Variants in VILL observed in about 807,000 individuals in gnomAD.
VILL encodes villin like.
In VILL, 102 loss-of-function variants were observed where a neutral mutation model predicts 106.3. The ratio of observed to expected loss-of-function variants is 0.96; its 90% CI spans 0.82 to 1.13. VILL has a LOEUF of 1.13. Ranked by LOEUF, VILL falls within the 50% of genes most tolerant of loss-of-function variation. The pLI, the probability that VILL is intolerant of heterozygous loss-of-function variation, is 0.00. For synonymous variants in VILL, 431 were observed against 440.3 expected, an observed-to-expected ratio of 0.98 and a Z score of 0.27; for missense variants, 1,076 against 1,116.6, an observed-to-expected ratio of 0.96 and a Z score of 0.52.
Position 38,001,456 on chromosome 3 carries a change from G to A in VILL, c.1183G>A (p.Val395Met). 6.2e-7 allele frequency: 1 copy of A among 1,614,022 alleles called. No homozygotes were observed. Among genetic ancestry groups the A allele is most frequent in the Non-Finnish European group, 8.5e-7 (1 of 1,179,918 alleles). Residue 395 changes from valine to methionine, a missense_variant and splice_region_variant, in exon 12 of 20, where the codon GTG (valine) becomes ATG (methionine). Coordinates refer to ENST00000383759, the MANE Select transcript of VILL (RefSeq NM_015873.4). ...MVDDGSGKVE[V>M]WCIQDLHRQP... is the part of the protein sequence containing the mutation. ...TGCCCATTGGTCCCTTATTCCCCAG[G>A]TGTGGTGCATCCAGGACTTACACAG... is the stretch of plus-strand genomic sequence containing the variant.
At position 38,006,216 on chromosome 3, in the gene VILL, C is replaced by A. The variant is rs761947123; in HGVS notation, c.2169C>A (p.Ser723Arg). The change falls in exon 18 of 20, where the codon AGC becomes AGA. Residue 723 changes from serine (S) to arginine (R), a missense_variant. Coordinates refer to ENST00000383759, the MANE Select transcript of VILL (RefSeq NM_015873.4). ...CCCACAAGGAAGTGGTGGATGGCAG[C>A]CCGGCAGCAGCATCAACCATCTCTG... ...HPSHKEVVDGSPAAASTISEI... is the reference protein window; with the variant it reads ...HPSHKEVVDGRPAAASTISEI... The A allele has an allele frequency of 3.1e-6, 5 of 1,614,100 alleles. No homozygotes were observed. In the Admixed American group the frequency reaches 5.0e-5, roughly 16 times the overall value.
chr3:37,994,987 T>G (rs1699675165), intron 4 of VILL, among the ~76,000 whole-genome samples: 1 of 152,268 alleles, frequency 6.6e-6, no homozygotes, highest in Non-Finnish European at 1.5e-5. Flanking sequence ...TATTTATCCA[T>G]TCATCACTTA....
rs1428867934 is a variant in VILL, at chr3:37,993,574, T to C, written c.-86-13T>C. ...CAGAGCCCTCCTAATAAAAGTCATG[T>C]TCTATAATGAAGTTGTACAGGTAGC... On this transcript the variant is annotated splice_polypyrimidine_tract_variant and intron_variant, in intron 1 of 19. Coordinates refer to ENST00000383759, the MANE Select transcript of VILL (RefSeq NM_015873.4). The C allele has an allele frequency of 9.1e-7, 1 of 1,096,236 alleles. No homozygotes were observed. The highest frequency in any genetic ancestry group is 1.3e-6 in the Non-Finnish European group (1 of 743,658). 67.9% of individuals were successfully genotyped at this position (1,096,236 alleles called of 1,614,324 possible).
intron 16 of VILL, among the ~76,000 whole-genome samples, chr3:38,005,341 C>A (rs964943843): frequency 6.6e-6 from 1 of 152,178 alleles, no homozygotes; most frequent in Non-Finnish European, 1.5e-5. Context: ...ACATGCCGGG[C>A]ACACGGCCAC....
chr3:38,006,645 T>C lies in VILL; in HGVS notation c.2402T>C (p.Leu801Pro). Residue 801 changes from leucine (L) to proline (P), a missense_variant, in exon 19 of 20, where the codon CTG becomes CCG. Leu to Pro is a moderately conservative substitution (Grantham distance 98). Transcript: ENST00000383759. ...TINGGLRREQ[L>P]MHQAVEDLPE... is the part of the protein sequence containing the mutation. The stretch of plus-strand genomic sequence containing the variant: ...AACGGGGGCCTGCGCCGGGAACAAC[T>C]GATGCACCAGGCTGTTGAGGACCTG... 1 of 1,613,718 alleles carries C rather than the reference T, an allele frequency of 6.2e-7. No individual in the cohort carries two copies. The highest frequency in any genetic ancestry group is 8.5e-7 in the Non-Finnish European group (1 of 1,179,966).
intron 1 of VILL, among the ~76,000 whole-genome samples, chr3:37,992,194 T>A (rs73060806): frequency 0.045 from 6,778 of 152,272 alleles, 157 homozygotes; most frequent in African/African-American, 0.056. Context: ...TCACAGTTTC[T>A]GTCTGCACCT....
In VILL at chr3:37,998,768, C is replaced by A. The variant is rs1575336358; in HGVS notation, c.943-144C>A. 1 of 1,385,644 alleles carries A rather than the reference C, an allele frequency of 7.2e-7. No homozygotes were observed. The highest frequency in any genetic ancestry group is 2.6e-5 in the East Asian group (1 of 38,010). The allele number at this position is 1,385,644 out of a possible 1,614,324, so 85.8% of individuals were successfully genotyped here. Reference sequence around the variant, plus strand: ...GGGACCTCAGAGAAGTCGGTGGTGACAGAGTCAATTCGCTAAGTGGGTCAT... The same window carrying A: ...GGGACCTCAGAGAAGTCGGTGGTGAAAGAGTCAATTCGCTAAGTGGGTCAT... On this transcript the variant is annotated intron_variant, in intron 9 of 19. Coordinates refer to ENST00000383759, the MANE Select transcript of VILL (RefSeq NM_015873.4). The surrounding 1 kb of genome is among the most constrained non-coding windows in gnomAD (Gnocchi z 4.1).
In VILL at chr3:37,998,028, C is replaced by A; in HGVS notation, c.765-62C>A. Reference sequence around the variant, plus strand: ...GACTGGGGTGGGGTCCTAAATGGGGCTGGAGTGGAGACAGATCAGGGAGGG... The same window carrying A: ...GACTGGGGTGGGGTCCTAAATGGGGATGGAGTGGAGACAGATCAGGGAGGG... On this transcript the variant is annotated intron_variant, in intron 7 of 19. Coordinates refer to ENST00000383759, the MANE Select transcript of VILL (RefSeq NM_015873.4). The surrounding 1 kb of genome is among the most constrained non-coding windows in gnomAD (Gnocchi z 4.1). 6.6e-7 allele frequency: 1 copy of A among 1,504,428 alleles called. No homozygotes were observed. Among genetic ancestry groups the A allele is most frequent in the Non-Finnish European group, 9.0e-7 (1 of 1,107,290 alleles). 93.2% of individuals were successfully genotyped at this position (1,504,428 alleles called of 1,614,324 possible). A position where few individuals can be genotyped will look rare whatever the true frequency, so the allele number is the denominator to read the frequency against.
rs1293134321 is a variant in VILL at position 37,998,776 on chromosome 3, A to G, written c.943-136A>G. 6 of 1,410,704 alleles carry G rather than the reference A, an allele frequency of 4.3e-6. No individual in the cohort carries two copies. The highest frequency in any genetic ancestry group is 5.6e-6 in the Non-Finnish European group (6 of 1,076,264). 87.4% of individuals were successfully genotyped at this position (1,410,704 alleles called of 1,614,324 possible). A position where few individuals can be genotyped will look rare whatever the true frequency, so the allele number is the denominator to read the frequency against. On this transcript the variant is annotated intron_variant, in intron 9 of 19. Transcript: ENST00000383759. The surrounding 1 kb of genome is among the most constrained non-coding windows in gnomAD (Gnocchi z 4.1). ...AGAGAAGTCGGTGGTGACAGAGTCA[A>G]TTCGCTAAGTGGGTCATGAGCTCGG...
rs1699746237 is a variant in VILL, at chr3:37,998,374, G to T, written c.942+10G>T. The T allele has an allele frequency of 6.2e-7, 1 of 1,613,434 alleles. No homozygotes were observed. The highest frequency in any genetic ancestry group is 1.7e-5 in the Admixed American group (1 of 60,012). On this transcript the variant is annotated intron_variant, in intron 9 of 19. Coordinates refer to ENST00000383759, the MANE Select transcript of VILL (RefSeq NM_015873.4). The surrounding 1 kb of genome is among the most constrained non-coding windows in gnomAD (Gnocchi z 4.1). ...CTTCAGCCGGGCTGTGGTGAGCCCT[G>T]GGGCTCTGTCTGAGAGGAACAGAGC...
intron 1 of VILL, among the ~76,000 whole-genome samples, chr3:37,992,282 G>A (rs1699621526): frequency 6.6e-6 from 1 of 152,064 alleles, no homozygotes. Context: ...CCTTCTACGG[G>A]GCCACCACTG....
chr3:38,003,948 T>A (rs1490753106), intron 15 of VILL: 1 of 295,092 alleles, frequency 3.4e-6, no homozygotes. Context: ...GCTGAGGAGC[T>A]CCTCCCATCC....
At position 38,002,443 on chromosome 3, in the gene VILL, G is replaced by A. The variant is rs1334780773; in HGVS notation, c.1527G>A (p.Arg509=). Residue 509 remains arginine (R), a synonymous_variant, in exon 14 of 20, where the codon AGG becomes AGA. Coordinates refer to ENST00000383759, the MANE Select transcript of VILL (RefSeq NM_015873.4). ...HGKGQSASTT[R]LFQVQGTDSH... is the part of the protein sequence containing the mutation. ...AGGGGCAGTCAGCATCCACCACAAGGCTTTTCCAAGTGCAAGGCACTGACA... is the reference window on the plus strand; with the variant it reads ...AGGGGCAGTCAGCATCCACCACAAGACTTTTCCAAGTGCAAGGCACTGACA... The A allele has an allele frequency of 6.2e-7, 1 of 1,614,078 alleles. No individual in the cohort carries two copies. Among genetic ancestry groups the A allele is most frequent in the Non-Finnish European group, 8.5e-7 (1 of 1,179,960 alleles).
At chr3:38,002,148 C>T (rs1320657537) in intron 13 of VILL, 1 of 635,990 alleles carries the variant, frequency 1.6e-6, no homozygotes, top group South Asian at 2.0e-5. Flanking sequence ...AAGGCCTGAG[C>T]ACCCATGCCC....
intron 5 of VILL, among the ~76,000 whole-genome samples, chr3:37,996,788 G>A (rs1023448479): frequency 1.3e-5 from 2 of 152,118 alleles, no homozygotes; most frequent in African/African-American, 2.4e-5. Flanking sequence ...CTTCACATGT[G>A]ATGTCCCCAT....
At position 37,997,284 on chromosome 3, in the gene VILL, C is replaced by A. The variant is rs781735262; in HGVS notation, c.561+97C>A. On this transcript the variant is annotated intron_variant, in intron 6 of 19. Coordinates refer to ENST00000383759, the MANE Select transcript of VILL (RefSeq NM_015873.4). The surrounding 1 kb of genome is among the most constrained non-coding windows in gnomAD (Gnocchi z 4.7). ...CGGCCACCCAAAGAGTTGGGCTTGG[C>A]TCTGCTACAACCCAAGAAACGCCTA... 2.2e-4 allele frequency: 303 copies of A among 1,354,900 alleles called. 3 individuals carry two copies. The highest frequency in any genetic ancestry group is 6.8e-4 in the South Asian group (55 of 81,342). 83.9% of individuals were successfully genotyped at this position (1,354,900 alleles called of 1,614,324 possible).
At position 38,001,791 on chromosome 3, in the gene VILL, G is replaced by A. The variant is rs768451949; in HGVS notation, c.1410G>A (p.Glu470=). The part of the protein sequence containing the change: ...DVMYGGVLVQ[E]HVTMGSEPPH... ...TGTATGGTGGCGTCCTAGTACAGGAGCATGTGACCATGGGCAGCGAGCCCC... is the reference window on the plus strand; with the variant it reads ...TGTATGGTGGCGTCCTAGTACAGGAACATGTGACCATGGGCAGCGAGCCCC... Residue 470 remains glutamate (E), a synonymous_variant, in exon 13 of 20, where the codon GAG becomes GAA. Transcript: ENST00000383759. The A allele has an allele frequency of 1.4e-5, 22 of 1,614,160 alleles. No individual in the cohort carries two copies. Among genetic ancestry groups the A allele is most frequent in the Non-Finnish European group, 1.4e-5 (17 of 1,180,058 alleles).
At position 37,994,337 on chromosome 3, in the gene VILL, A is replaced by G; in HGVS notation, c.212A>G (p.Glu71Gly). 6.2e-7 allele frequency: 1 copy of G among 1,611,432 alleles called. No homozygotes were observed. Among genetic ancestry groups the G allele is most frequent in the Non-Finnish European group, 8.5e-7 (1 of 1,179,686 alleles). ...HYWVGKQAGAEAQGAAEAFQQ... is the reference protein window; with the variant it reads ...HYWVGKQAGAGAQGAAEAFQQ... ...TGGGTCGGGAAGCAGGCGGGTGCGG[A>G]AGCGCAGGGCGCTGCGGAGGCCTTC... Residue 71 changes from glutamate (E) to glycine (G), a missense_variant, in exon 4 of 20, where the codon GAA (glutamate) becomes GGA (glycine). Glu to Gly is a moderately conservative substitution (Grantham distance 98). Coordinates refer to ENST00000383759, the MANE Select transcript of VILL (RefSeq NM_015873.4).
chr3:38,006,063 G>C, intron 17 of VILL, 89 bp downstream of exon 17: 2 of 1,592,874 alleles, frequency 1.3e-6, no homozygotes, highest in Non-Finnish European at 8.6e-7. Context: ...GCACTGCCCT[G>C]GCTGGGGATT....
Sources: allele counts gnomAD v4.1 joint callset (sites outside exome capture counted in the v4.1 genomes callset), GRCh38; gene constraint gnomAD v4.1.1; non-coding constraint Gnocchi (gnomAD v3.1); transcripts MANE v1.5; gene names NCBI Gene and HGNC (gene_info 2026-07-23, HGNC 2026-07-21).